RBM47: variants seen among roughly 807,000 people sequenced by gnomAD.
RBM47 encodes the protein RNA binding motif protein 47, also known as RNA-binding protein 47.
A neutral mutation model predicts 47.1 loss-of-function variants in RBM47; 21 were observed. The observed-to-expected ratio is 0.45, with a 90% CI of 0.32 to 0.64. The LOEUF (loss-of-function observed/expected upper bound fraction) is 0.64, where lower values mean the gene tolerates loss of function less well. RBM47 is among the 30% of genes least tolerant of loss of function. The pLI is 0.05. For missense variants in RBM47, 708 were observed against 870.9 expected (o/e 0.81, Z 2.35); for synonymous variants, 375 against 361.7 (o/e 1.04, Z -0.42).
intron 1 of RBM47, among the ~76,000 whole-genome samples, chr4:40,592,149 T>C (rs932351043): frequency 1.9e-4 from 29 of 152,216 alleles, no homozygotes; most frequent in African/African-American, 5.1e-4. Context: ...CCTGTGACTC[T>C]GCAAAAACTA....
At chr4:40,587,336 T>C (rs1733688327) in intron 1 of RBM47, among the ~76,000 whole-genome samples, 1 of 151,962 alleles carries the variant, frequency 6.6e-6, no homozygotes, top group Non-Finnish European at 1.5e-5. Flanking sequence ...GGAGGAACTG[T>C]GGGGCAGGGA....
chr4:40,532,620 A>T (rs1485161353), intron 2 of RBM47, among the ~76,000 whole-genome samples: 1 of 151,556 alleles, frequency 6.6e-6, no homozygotes, highest in Non-Finnish European at 1.5e-5. Context: ...CTTTTTAAAA[A>T]AAATATTATT....
chr4:40,431,671 A>G lies in RBM47; in HGVS notation c.1542+980T>C, dbSNP rs66694943. Among the ~76,000 whole-genome samples the G allele has an allele frequency of 4.2e-3, 609 of 143,408 alleles. 9 individuals carry two copies. Among genetic ancestry groups the G allele is most frequent in the East Asian group, 8.4e-3 (41 of 4,894 alleles). The allele number at this position is 143,408 out of a possible 152,430, so 94.1% of individuals were successfully genotyped here. On this transcript the variant is annotated intron_variant, in intron 6 of 6. Transcript: ENST00000295971. ...AGACTCCGTCTAAAAAAAAAAAAAA[A>G]AGAGAGAGAAAATTTATCTAGGAGG...
At chr4:40,506,577 T>G (rs1724128071) in intron 2 of RBM47, among the ~76,000 whole-genome samples, 1 of 152,236 alleles carries the variant, frequency 6.6e-6, no homozygotes, top group Non-Finnish European at 1.5e-5. Context: ...TCTTTCATTC[T>G]GTTACACAGG....
chr4:40,461,589 G>A (rs923415655), intron 3 of RBM47, among the ~76,000 whole-genome samples: 4 of 152,148 alleles, frequency 2.6e-5, no homozygotes, highest in African/African-American at 9.7e-5. Context: ...ACAGGGATGG[G>A]CTGGATTTCA....
intron 2 of RBM47, among the ~76,000 whole-genome samples, chr4:40,503,440 G>A (rs1417533828): frequency 6.6e-6 from 1 of 152,150 alleles, no homozygotes; most frequent in East Asian, 1.9e-4. Flanking sequence ...TGCCAGTCCT[G>A]GACGTTCTGA....
rs868663629 is a variant in RBM47 at position 40,432,790 on chromosome 4, C to G, written c.1403G>C (p.Gly468Ala). ...CATGTGCTCCACTGTGTGGATTTTG[C>G]CATCTTCAATCATTTTAGGGGCTGG... The part of the protein sequence containing the change: ...AAPAPKMIED[G>A]KIHTVEHMIS... The change falls in exon 6 of 7, where the codon GGC becomes GCC. Residue 468 changes from glycine to alanine, a missense_variant. Coordinates refer to ENST00000295971, the MANE Select transcript of RBM47 (RefSeq NM_001098634.2). The G allele has an allele frequency of 3.7e-6, 6 of 1,613,730 alleles. No homozygotes were observed. Among genetic ancestry groups the G allele is most frequent in the Non-Finnish European group, 5.1e-6 (6 of 1,179,928 alleles).
At chr4:40,483,784 G>A (rs1177517177) in intron 2 of RBM47, among the ~76,000 whole-genome samples, 1 of 152,138 alleles carries the variant, frequency 6.6e-6, no homozygotes, top group African/African-American at 2.4e-5. Context: ...ATACTTAATA[G>A]TGATTAAGTG....
At chr4:40,526,851 G>C (rs1232889859) in intron 2 of RBM47, among the ~76,000 whole-genome samples, 1 of 130,924 alleles carries the variant, frequency 7.6e-6, no homozygotes, top group East Asian at 2.3e-4. Flanking sequence ...CCATTAGCTA[G>C]AGGGCCACAC....
intron 2 of RBM47, among the ~76,000 whole-genome samples, chr4:40,471,316 C>T (rs1718829605): frequency 6.6e-6 from 1 of 152,186 alleles, no homozygotes; most frequent in Non-Finnish European, 1.5e-5. Context: ...TGGACTTCTA[C>T]AGTAGACTCC....
In RBM47 at chr4:40,423,685, TTTCTTTCTTTCTTTCTTTCTTTC is replaced by T. The variant is rs1308006209; in HGVS notation, c.*2196_*2218del. On this transcript the variant is annotated 3_prime_UTR_variant, in exon 7 of 7. Transcript: ENST00000295971. The stretch of plus-strand genomic sequence containing the variant: ...CTTTCTTTCTTTCTTTCTTTCTTTC[TTTCTTTCTTTCTTTCTTTCTTTC>T]TTTCTTTTCTTTCTTTTCTTTCTTC... 9.3e-6 allele frequency: 1 copy of T among 107,116 alleles called. No homozygotes were observed. Among genetic ancestry groups the T allele is most frequent in the African/African-American group, 4.7e-5 (1 of 21,304 alleles). The allele number at this position is 107,116 out of a possible 1,614,324, so 6.6% of individuals were successfully genotyped here. A position where few individuals can be genotyped will look rare whatever the true frequency, so the allele number is the denominator to read the frequency against.
intron 2 of RBM47, among the ~76,000 whole-genome samples, chr4:40,532,459 T>G (rs1489064325): frequency 2.0e-5 from 3 of 151,064 alleles, no homozygotes; most frequent in Non-Finnish European, 4.4e-5. Flanking sequence ...ACTACAGGCA[T>G]GTGCCACCAC....
At chr4:40,505,890 AAAAACAAAACAAAAC>A (rs140844726) in intron 2 of RBM47, among the ~76,000 whole-genome samples, 2 of 149,962 alleles carry the variant, frequency 1.3e-5, no homozygotes, top group South Asian at 2.1e-4. Flanking sequence ...CTGTCTCAAA[AAAAACAAAACAAAAC>A]AAAACAAAAC....
intron 3 of RBM47, among the ~76,000 whole-genome samples, chr4:40,451,902 G>A (rs1190403246): frequency 6.6e-6 from 1 of 152,188 alleles, no homozygotes; most frequent in Non-Finnish European, 1.5e-5. Context: ...AGGAACAGTG[G>A]CTCATGCCTG....
At chr4:40,539,915 C>T (rs1053648385) in intron 2 of RBM47, among the ~76,000 whole-genome samples, 30 of 152,180 alleles carry the variant, frequency 2.0e-4, no homozygotes, top group South Asian at 8.3e-4. Context: ...CACCAGGCCA[C>T]GTTTTCCTCC....
At chr4:40,477,944 C>CCCT (rs541374011) in intron 2 of RBM47, among the ~76,000 whole-genome samples, 14 of 151,472 alleles carry the variant, frequency 9.2e-5, no homozygotes, top group African/African-American at 3.4e-4. Context: ...TACTACACAG[C>CCCT]CCTCTGTATA....
chr4:40,521,724 T>C (rs1726210360), intron 2 of RBM47, among the ~76,000 whole-genome samples: 2 of 152,152 alleles, frequency 1.3e-5, no homozygotes, highest in Non-Finnish European at 2.9e-5. Flanking sequence ...GAAGTGACCC[T>C]GGCACTTCAA....
intron 5 of RBM47, among the ~76,000 whole-genome samples, chr4:40,435,101 GA>G (rs1712124447): frequency 6.6e-6 from 1 of 152,166 alleles, no homozygotes; most frequent in Admixed American, 6.5e-5. Flanking sequence ...GGGCACTAAT[GA>G]CATTAATAAA....
At chr4:40,427,613 C>T (rs1176578173) in intron 6 of RBM47, 1 of 152,100 alleles carries the variant, frequency 6.6e-6, no homozygotes. Context: ...CCATAGAATG[C>T]CTGGTAGTAA....
Sources: gnomAD v4.1 joint callset for allele counts (sites outside exome capture counted in the v4.1 genomes callset) on GRCh38, gnomAD v4.1.1 for gene constraint, MANE v1.5 for transcripts, NCBI Gene and HGNC (gene_info 2026-07-23, HGNC 2026-07-21) for gene names.